Variants in ANK2 observed in about 807,000 individuals in gnomAD.
ANK2 encodes the protein ankyrin 2.
ANK2 carries 83 observed loss-of-function variants against 360.5 expected under a neutral mutation model. That is an observed-to-expected ratio of 0.23 (90% CI 0.19 to 0.28). The LOEUF (loss-of-function observed/expected upper bound fraction) is 0.28, where lower values mean the gene tolerates loss of function less well. Among genes scored for constraint, ANK2 ranks in the 10% least tolerant of loss-of-function variants. ANK2 has a pLI of 1.00. For synonymous variants in ANK2, 1,740 were observed against 1,759.5 expected (o/e 0.99, Z 0.28); for missense variants, 4,201 against 4,795.7 (o/e 0.88, Z 3.66).
intron 1 of ANK2, chr4:113,145,904 G>C: frequency 7.8e-7 from 1 of 1,289,764 alleles, no homozygotes; most frequent in Non-Finnish European, 1.0e-6. Flanking sequence ...CTTGCCATGC[G>C]GATAAGAGCA....
At chr4:112,705,641 C>A in the ANK2 span, among the ~76,000 whole-genome samples, 2 of 152,374 alleles carry the variant, frequency 1.3e-5, no homozygotes, top group Middle Eastern at 3.4e-3. Context: ...GCGGGAGCGC[C>A]CGCGGAGGAG....
At chr4:113,163,024 A>G (rs370332228) in intron 1 of ANK2, among the ~76,000 whole-genome samples, 13 of 152,308 alleles carry the variant, frequency 8.5e-5, no homozygotes, top group African/African-American at 3.1e-4. Context: ...TTAGATAGAT[A>G]CAGCTAGATC....
intron 1 of ANK2, among the ~76,000 whole-genome samples, chr4:112,824,439 CA>C (rs1560672778): frequency 6.6e-6 from 1 of 151,634 alleles, no homozygotes; most frequent in East Asian, 1.9e-4. Flanking sequence ...TGGCTTCAAG[CA>C]ATCCTCCTGC....
intron 2 of ANK2, among the ~76,000 whole-genome samples, chr4:112,929,681 G>C (rs1189097916): frequency 2.0e-5 from 3 of 152,302 alleles, no homozygotes; most frequent in East Asian, 3.9e-4. Context: ...AGAGATAAAT[G>C]AGGTCTGGAT....
chr4:112,790,100 G>C, the ANK2 span, among the ~76,000 whole-genome samples: 2 of 152,100 alleles, frequency 1.3e-5, no homozygotes, highest in Non-Finnish European at 2.9e-5. Flanking sequence ...GTACCAAAAG[G>C]ATTAGATTTC....
intron 31 of ANK2, among the ~76,000 whole-genome samples, chr4:113,337,536 A>C (rs2093703876): frequency 6.6e-6 from 1 of 152,248 alleles, no homozygotes; most frequent in Admixed American, 6.5e-5. Context: ...GTTGGTATTC[A>C]GTAAATATTA....
At chr4:112,745,078 C>T in the ANK2 span, among the ~76,000 whole-genome samples, 2 of 152,124 alleles carry the variant, frequency 1.3e-5, no homozygotes, top group African/African-American at 4.8e-5. Context: ...ATTCATTTAT[C>T]ATATGTTTTC....
At chr4:112,895,085 T>G (rs916180193) in intron 1 of ANK2, among the ~76,000 whole-genome samples, 1 of 152,252 alleles carries the variant, frequency 6.6e-6, no homozygotes, top group East Asian at 1.9e-4. Flanking sequence ...GAAGCACCAA[T>G]GTGCTGGTAA....
At chr4:113,335,317 G>A (rs2093365219) in intron 29 of ANK2, among the ~76,000 whole-genome samples, 1 of 152,112 alleles carries the variant, frequency 6.6e-6, no homozygotes, top group Non-Finnish European at 1.5e-5. Context: ...TTCCACTGGA[G>A]TAAACTCATA....
chr4:113,280,832 T>A (rs1220491631), intron 17 of ANK2, among the ~76,000 whole-genome samples: 1 of 152,202 alleles, frequency 6.6e-6, no homozygotes, highest in Non-Finnish European at 1.5e-5. Flanking sequence ...AATATCCCTG[T>A]ACCTAACCTT....
At chr4:112,744,902 A>AT in the ANK2 span, among the ~76,000 whole-genome samples, 1 of 152,198 alleles carries the variant, frequency 6.6e-6, no homozygotes, top group East Asian at 1.9e-4. Flanking sequence ...GGTTAAACAT[A>AT]TTTTTGTAAG....
chr4:112,837,565 C>T (rs781587786), intron 1 of ANK2, among the ~76,000 whole-genome samples: 4 of 152,242 alleles, frequency 2.6e-5, no homozygotes, highest in Non-Finnish European at 4.4e-5. Flanking sequence ...AAAGTGCAGG[C>T]ACTCAATATC....
chr4:113,100,256 A>C (rs1484604995), intron 1 of ANK2, among the ~76,000 whole-genome samples: 3 of 152,126 alleles, frequency 2.0e-5, no homozygotes, highest in African/African-American at 4.8e-5. Flanking sequence ...TTATATACAA[A>C]GAAATCTTCA....
chr4:113,054,523 T>C (rs1449471343), intron 1 of ANK2, among the ~76,000 whole-genome samples: 1 of 152,194 alleles, frequency 6.6e-6, no homozygotes, highest in African/African-American at 2.4e-5. Flanking sequence ...GATCCAACAT[T>C]TGGGTGTCCA....
Position 112,898,075 on chromosome 4 carries a change from C to A in ANK2, c.-39-6380C>A, listed in dbSNP as rs2082248493. On this transcript the variant is annotated intron_variant, in intron 1 of 30. Transcript: ENST00000503271. ...TATCAATAGACTTTATTTTTTAGAA[C>A]ATTGTACGTTTATAGAAAAATTGAG... is the stretch of plus-strand genomic sequence containing the variant. 2.6e-5 allele frequency among the ~76,000 whole-genome samples: 4 copies of A among 152,112 alleles called. No homozygotes were observed. The South Asian group carries it at 8.3e-4, about 32-fold the overall frequency.
At position 113,252,202 on chromosome 4, in the gene ANK2, A is replaced by T. The variant is rs142578126; in HGVS notation, c.990+2340A>T. 8.5e-5 allele frequency among the ~76,000 whole-genome samples: 13 copies of T among 152,298 alleles called. No homozygotes were observed. The East Asian group carries it at 2.5e-3, about 29-fold the overall frequency. ...GAAAGGGCTTTCCCCTTATAAAACCATCAGATCTTGTGAGACTTATTCACT... is the reference window on the plus strand; with the variant it reads ...GAAAGGGCTTTCCCCTTATAAAACCTTCAGATCTTGTGAGACTTATTCACT... On this transcript the variant is annotated intron_variant, in intron 10 of 45. Transcript: ENST00000357077.
chr4:112,912,070 G>C (rs1043061987), intron 2 of ANK2, among the ~76,000 whole-genome samples: 1 of 151,934 alleles, frequency 6.6e-6, no homozygotes, highest in Non-Finnish European at 1.5e-5. Flanking sequence ...CCAGCTACTC[G>C]GGAGGCTGAG....
At chr4:112,861,090 T>C (rs564193959) in intron 1 of ANK2, among the ~76,000 whole-genome samples, 1 of 152,324 alleles carries the variant, frequency 6.6e-6, no homozygotes, top group African/African-American at 2.4e-5. Flanking sequence ...TGCGGGGATA[T>C]GCAGGAGGAG....
chr4:113,038,769 C>T (rs2062189603), intron 2 of ANK2, among the ~76,000 whole-genome samples: 1 of 152,030 alleles, frequency 6.6e-6, no homozygotes, highest in Non-Finnish European at 1.5e-5. Context: ...TTCAAACCAC[C>T]ATACAGTGAA....
Sources: allele counts gnomAD v4.1 joint callset (sites outside exome capture counted in the v4.1 genomes callset), GRCh38; gene constraint gnomAD v4.1.1; transcripts MANE v1.5; gene names NCBI Gene and HGNC (gene_info 2026-07-23, HGNC 2026-07-21).